TRIM68: variants seen among roughly 807,000 people sequenced by gnomAD.
TRIM68 encodes tripartite motif containing 68.
Under a neutral mutation model 41.9 loss-of-function variants are expected in TRIM68, and 36 were observed. That is an observed-to-expected ratio of 0.86 (90% confidence interval 0.66 to 1.14). TRIM68 has a LOEUF of 1.14. TRIM68 is among the 50% of genes most tolerant of loss of function. The pLI is 0.00. For synonymous variants in TRIM68, 225 were observed against 224.6 expected (o/e 1.00, Z -0.02); for missense variants, 632 against 605.1 (o/e 1.04, Z -0.47).
Position 4,602,179 on chromosome 11 carries a change from C to A in TRIM68, c.756G>T (p.Ser252=), listed in dbSNP as rs201878459. The A allele has an allele frequency of 6.8e-6, 11 of 1,614,128 alleles. No homozygotes were observed. The East Asian group carries it at 2.0e-4, about 29-fold the overall frequency. The change falls in exon 4 of 7, where the codon TCG becomes TCT. Residue 252 remains serine, a synonymous_variant. Transcript: ENST00000300747. Reference sequence around the variant, plus strand: ...GCAACATCCAGCGGACAGGCCTCTGCGACCTCTCTTTCAACTCTGCAATCA... The same window carrying A: ...GCAACATCCAGCGGACAGGCCTCTGAGACCTCTCTTTCAACTCTGCAATCA... ...WRMIAELKER[S]QRPVRWMLQD... is the part of the protein sequence containing the mutation.
Position 4,602,283 on chromosome 11 carries a change from G to C in TRIM68, c.652C>G (p.Arg218Gly). The C allele has an allele frequency of 6.2e-7, 1 of 1,613,978 alleles. No homozygotes were observed. Among genetic ancestry groups the C allele is most frequent in the Non-Finnish European group, 8.5e-7 (1 of 1,179,998 alleles). ...EVAAALASLQ[R>G]EAAETMQKLE... ...TTCTGCATGGTCTCCGCTGCCTCCC[G>C]CTGTAGGCTGGCCAGAGCTGCTGCT... The change falls in exon 4 of 7, where the codon CGG (arginine) becomes GGG (glycine). Residue 218 changes from arginine to glycine, a missense_variant. Transcript: ENST00000300747.
Position 4,600,802 on chromosome 11 carries a change from G to A in TRIM68, c.932C>T (p.Thr311Ile). 1.9e-6 allele frequency: 3 copies of A among 1,613,874 alleles called. No homozygotes were observed. Among genetic ancestry groups the A allele is most frequent in the Non-Finnish European group, 2.5e-6 (3 of 1,179,822 alleles). Residue 311 changes from threonine (T) to isoleucine (I), a missense_variant, in exon 7 of 7, where the codon ACT (threonine) becomes ATT (isoleucine). Thr to Ile is a moderately conservative substitution (Grantham distance 89, BLOSUM62 -1). Coordinates refer to ENST00000300747, the MANE Select transcript of TRIM68 (RefSeq NM_018073.8). ...AGACACGATGAGACGGGAGTAAGCA[G>A]TATCTGGATCCAAGCGCACATCAGC... ...YAADVRLDPD[T>I]AYSRLIVSED...
Position 4,601,140 on chromosome 11 carries a change from G to T in TRIM68, c.807-13C>A. 6.2e-7 allele frequency: 1 copy of T among 1,608,748 alleles called. No individual in the cohort carries two copies. Among genetic ancestry groups the T allele is most frequent in the South Asian group, 1.1e-5 (1 of 90,976 alleles). ...CCAAGATTTGCTCCTGGTAGAGGAG[G>T]GTGAACCTCAGGGCCAGGAGTCCCG... On this transcript the variant is annotated splice_polypyrimidine_tract_variant and intron_variant, in intron 5 of 6. Transcript: ENST00000300747.
At position 4,598,682 on chromosome 11, in the gene TRIM68, A is replaced by C. The variant is rs1846432037; in HGVS notation, c.*1594T>G. The C allele has an allele frequency of 6.6e-6, 1 of 152,280 alleles. No homozygotes were observed. The highest frequency in any genetic ancestry group is 2.4e-5 in the African/African-American group (1 of 41,482). 9.4% of individuals were successfully genotyped at this position (152,280 alleles called of 1,614,324 possible). ...GAAGCAGTCTGGAAGCATGGTGGAC[A>C]GAATGCGTTTATTTCTCCAGTTTGG... On this transcript the variant is annotated 3_prime_UTR_variant, in exon 7 of 7. Transcript: ENST00000300747.
intron 1 of TRIM68, among the ~76,000 whole-genome samples, chr11:4,606,830 TGGTTTAGCGCAGTCCAGTAGC>T (rs1846577313): frequency 6.6e-6 from 1 of 152,190 alleles, no homozygotes; most frequent in Non-Finnish European, 1.5e-5. Context: ...AAAATCACTG[TGGTTTAGCGCAGTCCAGTAGC>T]AGGAAGCAGG....
At chr11:4,605,860 C>A (rs1227684095) in intron 1 of TRIM68, among the ~76,000 whole-genome samples, 2 of 152,236 alleles carry the variant, frequency 1.3e-5, no homozygotes, top group African/African-American at 4.8e-5. Flanking sequence ...ACCATTACCA[C>A]TCCAATCATG....
intron 1 of TRIM68, among the ~76,000 whole-genome samples, chr11:4,606,336 G>T (rs566364712): frequency 1.3e-5 from 2 of 152,276 alleles, no homozygotes; most frequent in East Asian, 1.9e-4. Flanking sequence ...CCACATATGG[G>T]CATGGAACTT....
Position 4,600,358 on chromosome 11 carries a change from A to T in TRIM68, c.1376T>A (p.Leu459Gln). The T allele has an allele frequency of 3.7e-6, 6 of 1,613,792 alleles. No homozygotes were observed. Among genetic ancestry groups the T allele is most frequent in the Non-Finnish European group, 5.1e-6 (6 of 1,179,880 alleles). The change falls in exon 7 of 7, where the codon CTG (leucine) becomes CAG (glutamine). Residue 459 changes from leucine (L) to glutamine (Q), a missense_variant. Transcript: ENST00000300747. ...FPRYPFPGRL[L>Q]PYFSPCYSIG... ...GCTGTAGCAAGGACTAAAATAGGGC[A>T]GGAGGCGCCCAGGGAAGGGATAGCG...
At chr11:4,603,151 T>G in intron 3 of TRIM68, 94 bp downstream of exon 3, 2 of 1,184,586 alleles carry the variant, frequency 1.7e-6, no homozygotes, top group Non-Finnish European at 2.5e-6. Flanking sequence ...AAGCCTCACA[T>G]TCTGCCTCAC....
chr11:4,601,604 CTAGT>C, intron 5 of TRIM68, 56 bp downstream of exon 5: 1 of 1,593,424 alleles, frequency 6.3e-7, no homozygotes, highest in Non-Finnish European at 8.6e-7. Context: ...ACTTCTGGCT[CTAGT>C]TAGGCCTCAC....
Position 4,605,328 on chromosome 11 carries a change from G to A in TRIM68, c.177C>T (p.Leu59=). The change falls in exon 2 of 7, where the codon CTC becomes CTT. Residue 59 remains leucine (L), a synonymous_variant. Coordinates refer to ENST00000300747, the MANE Select transcript of TRIM68 (RefSeq NM_018073.8). ...TCCTTGGCTGGACAGGAGCTCGACA[G>A]AGGGGACAGGTGTAACCCCAGTTCT... ...ESQNWGYTCP[L]CRAPVQPRNL... 2.5e-6 allele frequency: 4 copies of A among 1,614,278 alleles called. No individual in the cohort carries two copies. The highest frequency in any genetic ancestry group is 3.4e-6 in the Non-Finnish European group (4 of 1,180,054).
chr11:4,604,096 T>C lies in TRIM68; in HGVS notation c.427-756A>G, dbSNP rs74052457. 4.8e-3 allele frequency among the ~76,000 whole-genome samples: 726 copies of C among 152,326 alleles called. 2 individuals are homozygous for C. Among genetic ancestry groups the C allele is most frequent in the African/African-American group, 0.017 (698 of 41,566 alleles). On this transcript the variant is annotated intron_variant, in intron 2 of 6. Coordinates refer to ENST00000300747, the MANE Select transcript of TRIM68 (RefSeq NM_018073.8). ...CAGGTAATAAATGGTTGGGCTGGGA[T>C]TTCATCCAGCCCTTTACCCCTATGT...
At chr11:4,602,529 G>C in intron 3 of TRIM68, 117 bp from the exon 4 acceptor site, 1 of 1,341,970 alleles carries the variant, frequency 7.5e-7, no homozygotes, top group Non-Finnish European at 1.0e-6. Flanking sequence ...AGGCTATGCA[G>C]GGGCAAAGAT....
chr11:4,603,421 T>G, intron 2 of TRIM68, 81 bp from the exon 3 acceptor site: 20 of 1,338,188 alleles, frequency 1.5e-5, no homozygotes, highest in Non-Finnish European at 2.1e-5. Context: ...AGAACCAGAG[T>G]CCTTCAGGCA....
chr11:4,600,227 T>A lies in TRIM68; in HGVS notation c.*49A>T. On this transcript the variant is annotated 3_prime_UTR_variant, in exon 7 of 7. Transcript: ENST00000300747. ...CAGTGGCTCGGTCCTCCAAGCCCCATGGGGGCCAGGCCCAATTCCAAGCCT... is the reference window on the plus strand; with the variant it reads ...CAGTGGCTCGGTCCTCCAAGCCCCAAGGGGGCCAGGCCCAATTCCAAGCCT... 6.6e-7 allele frequency: 1 copy of A among 1,509,936 alleles called. No homozygotes were observed. The highest frequency in any genetic ancestry group is 2.5e-4 in the Middle Eastern group (1 of 3,970). 93.5% of individuals were successfully genotyped at this position (1,509,936 alleles called of 1,614,324 possible).
At chr11:4,603,092 G>C in intron 3 of TRIM68, 153 bp downstream of exon 3, 1 of 723,900 alleles carries the variant, frequency 1.4e-6, no homozygotes, top group Non-Finnish European at 2.3e-6. Flanking sequence ...GCCTACCTAA[G>C]GCCTGGGACA....
chr11:4,601,970 A>G, intron 4 of TRIM68, 182 bp downstream of exon 4: 1 of 917,048 alleles, frequency 1.1e-6, no homozygotes, highest in Non-Finnish European at 1.6e-6. Flanking sequence ...ATGCTACAAC[A>G]GACCAGGTCA....
chr11:4,601,217 G>T, intron 5 of TRIM68, 90 bp from the exon 6 acceptor site: 1 of 992,234 alleles, frequency 1.0e-6, no homozygotes, highest in Non-Finnish European at 1.6e-6. Context: ...CTTGGCCAGG[G>T]ACATAGTGAA....
Position 4,605,098 on chromosome 11 carries a change from T to A in TRIM68, c.407A>T (p.Asp136Val). The change falls in exon 2 of 7, where the codon GAT (aspartate) becomes GTT (valine). Residue 136 changes from aspartate to valine, a missense_variant. Physicochemically the swap from Asp to Val is radical, Grantham distance 152. Transcript: ENST00000300747. ...TCTCACCTTGTACTCCCAGGCAACA[T>A]CCTCCATTGGCACAACACTGTGGGC... ...HEAHSVVPME[D>V]VAWEYKWELH... 1 of 1,613,792 alleles carries A rather than the reference T, an allele frequency of 6.2e-7. No homozygotes were observed. Among genetic ancestry groups the A allele is most frequent in the East Asian group, 2.2e-5 (1 of 44,880 alleles).
Sources: gnomAD v4.1 joint callset for allele counts (sites outside exome capture counted in the v4.1 genomes callset) on GRCh38, gnomAD v4.1.1 for gene constraint, MANE v1.5 for transcripts, NCBI Gene and HGNC (gene_info 2026-07-23, HGNC 2026-07-21) for gene names.